Variants in AMPH observed in about 807,000 individuals in gnomAD.
AMPH encodes amphiphysin.
AMPH carries 49 observed loss-of-function variants against 99.1 expected under a neutral mutation model. The ratio of observed to expected loss-of-function variants is 0.49; its 90% CI spans 0.39 to 0.63. The LOEUF is 0.63. Among genes scored for constraint, AMPH ranks in the 20% least tolerant of loss-of-function variants. The probability of loss-of-function intolerance (pLI) is 0.00; values close to 1 mark genes in which losing one functional copy is unlikely to be tolerated. For missense variants in AMPH, 759 were observed against 863.4 expected, an observed-to-expected ratio of 0.88 and a Z score of 1.52; for synonymous variants, 314 against 317.3, an observed-to-expected ratio of 0.99 and a Z score of 0.11.
intron 14 of AMPH, chr7:38,429,050 G>A: frequency 7.8e-7 from 1 of 1,290,264 alleles, no homozygotes; most frequent in Non-Finnish European, 1.0e-6. Context: ...TAGCTCCAGT[G>A]TCTACCTTTT....
chr7:38,567,139 G>A (rs199938506), intron 1 of AMPH, among the ~76,000 whole-genome samples: 7 of 152,186 alleles, frequency 4.6e-5, no homozygotes, highest in Non-Finnish European at 7.4e-5. Context: ...GGAACCAACC[G>A]AAATGCTCAT....
chr7:38,580,209 G>GA (rs1332119370), intron 1 of AMPH, among the ~76,000 whole-genome samples: 2 of 152,034 alleles, frequency 1.3e-5, no homozygotes, highest in Non-Finnish European at 2.9e-5. Flanking sequence ...GAGGAAAGAT[G>GA]AAAAAAATTA....
chr7:38,560,604 C>T (rs1364299303), intron 1 of AMPH, among the ~76,000 whole-genome samples: 1 of 152,202 alleles, frequency 6.6e-6, no homozygotes, highest in Non-Finnish European at 1.5e-5. Context: ...CTCATCCAGA[C>T]AGCACTGCTA....
intron 1 of AMPH, among the ~76,000 whole-genome samples, chr7:38,618,504 T>A (rs1219401496): frequency 6.8e-6 from 1 of 147,926 alleles, no homozygotes; most frequent in Non-Finnish European, 1.5e-5. Flanking sequence ...AGAGTGAGAC[T>A]CTGTCTCAAA....
intron 11 of AMPH, among the ~76,000 whole-genome samples, chr7:38,442,779 C>T (rs925763063): frequency 7.0e-6 from 1 of 143,822 alleles, no homozygotes; most frequent in African/African-American, 2.7e-5. Flanking sequence ...CTTCTTTTTA[C>T]CCTGAATATA....
At chr7:38,610,297 A>AAGG (rs1554375489) in intron 1 of AMPH, among the ~76,000 whole-genome samples, 1 of 13,896 alleles carries the variant, frequency 7.2e-5, no homozygotes, top group African/African-American at 4.5e-4. Context: ...AGAAAGAAAG[A>AAGG]AAAGAAAAGA....
At position 38,461,400 on chromosome 7, in the gene AMPH, CCCTTT is replaced by C. The variant is rs1482945773; in HGVS notation, c.895_899del (p.Lys299AlafsTer8). The C allele has an allele frequency of 6.2e-7, 1 of 1,614,098 alleles. No individual in the cohort carries two copies. On this transcript the variant is annotated frameshift_variant, in exon 11 of 21. Coordinates refer to ENST00000356264, the MANE Select transcript of AMPH (RefSeq NM_001635.4). LOFTEE classifies it high-confidence loss of function. ...CTTTAGGTAGAGGTGGGACAGGAGG[CCCTTT>C]CCTTGTCTAGGAAGCATTAAATACA...
chr7:38,516,751 C>T (rs1027484403), intron 2 of AMPH, among the ~76,000 whole-genome samples: 1 of 152,204 alleles, frequency 6.6e-6, no homozygotes, highest in Non-Finnish European at 1.5e-5. Context: ...GCACTCAACA[C>T]CAGCCGATGA....
chr7:38,450,050 G>A (rs1786945842), intron 11 of AMPH, among the ~76,000 whole-genome samples: 2 of 152,160 alleles, frequency 1.3e-5, no homozygotes, highest in Admixed American at 1.3e-4. Context: ...AGAGACATAA[G>A]GGTAGAAAAG....
intron 14 of AMPH, chr7:38,429,282 C>T: frequency 7.8e-7 from 1 of 1,286,358 alleles, no homozygotes; most frequent in Non-Finnish European, 1.0e-6. Flanking sequence ...TTCATTTCCA[C>T]CTGGAAAGGC....
intron 2 of AMPH, among the ~76,000 whole-genome samples, chr7:38,533,772 C>T (rs185260421): frequency 3.9e-4 from 60 of 152,210 alleles, no homozygotes; most frequent in Admixed American, 1.5e-3. Context: ...CTTTATAATG[C>T]GCAAACCCCA....
intron 11 of AMPH, among the ~76,000 whole-genome samples, chr7:38,451,360 G>A (rs1289867627): frequency 9.9e-5 from 14 of 141,720 alleles, no homozygotes; most frequent in South Asian, 4.8e-4. Flanking sequence ...TTATATACAC[G>A]TATATATATG....
At chr7:38,500,218 T>C (rs1025086522) in intron 3 of AMPH, among the ~76,000 whole-genome samples, 2 of 152,236 alleles carry the variant, frequency 1.3e-5, no homozygotes, top group Non-Finnish European at 2.9e-5. Flanking sequence ...CCACAGGACT[T>C]CTGAGTTGAC....
intron 5 of AMPH, among the ~76,000 whole-genome samples, chr7:38,478,415 T>C (rs1788166226): frequency 6.6e-6 from 1 of 151,996 alleles, no homozygotes; most frequent in East Asian, 1.9e-4. Flanking sequence ...ATAGCAAAAA[T>C]AAAGACCCAA....
At chr7:38,416,102 A>AATATATATATATATATATATATAT (rs5883648) in intron 17 of AMPH, among the ~76,000 whole-genome samples, 3,073 of 99,436 alleles carry the variant, frequency 0.031, 173 homozygotes, top group Admixed American at 0.039. Context: ...CAAACATATG[A>AATATATATATATATATATATATAT]ATATATATAT....
chr7:38,390,725 T>A (rs973415818), intron 19 of AMPH, among the ~76,000 whole-genome samples: 1 of 152,200 alleles, frequency 6.6e-6, no homozygotes, highest in Admixed American at 6.5e-5. Context: ...TGCCTTAGGT[T>A]ATTCTACAGT....
In AMPH at chr7:38,386,860, GCTGATA is replaced by G. The variant is rs1417829723; in HGVS notation, c.1981-1941_1981-1936del. ...GAGAACTGCAAGGGGTGAGATCTATGCTGATACAGCTTTTCCCCTGAGGATTATCCT... is the reference window on the plus strand; with the variant it reads ...GAGAACTGCAAGGGGTGAGATCTATGCAGCTTTTCCCCTGAGGATTATCCT... On this transcript the variant is annotated intron_variant, in intron 20 of 20. Coordinates refer to ENST00000356264, the MANE Select transcript of AMPH (RefSeq NM_001635.4). 2.6e-5 allele frequency among the ~76,000 whole-genome samples: 4 copies of G among 152,336 alleles called. No homozygotes were observed. In the East Asian group the frequency reaches 7.7e-4, roughly 29 times the overall value.
chr7:38,477,674 T>C (rs938383683), intron 5 of AMPH, among the ~76,000 whole-genome samples: 6 of 152,048 alleles, frequency 3.9e-5, no homozygotes, highest in African/African-American at 1.5e-4. Flanking sequence ...CTCATTTCTA[T>C]GGAACATTTC....
intron 17 of AMPH, among the ~76,000 whole-genome samples, chr7:38,401,491 A>G (rs1213339566): frequency 6.6e-6 from 1 of 152,168 alleles, no homozygotes; most frequent in Non-Finnish European, 1.5e-5. Context: ...TAGGAATTCT[A>G]TGGAAAGTCT....
Sources: gnomAD v4.1 joint callset for allele counts (sites outside exome capture counted in the v4.1 genomes callset) on GRCh38, gnomAD v4.1.1 for gene constraint, MANE v1.5 for transcripts, NCBI Gene and HGNC (gene_info 2026-07-23, HGNC 2026-07-21) for gene names.